RNF111: variants seen among roughly 807,000 people sequenced by gnomAD.
RNF111 encodes the protein E3 ubiquitin-protein ligase Arkadia.
Under a neutral mutation model 95.1 loss-of-function variants are expected in RNF111, and 17 were observed. That is an observed-to-expected ratio of 0.18 (90% CI 0.12 to 0.27). The LOEUF is 0.27. Among genes scored for constraint, RNF111 ranks in the 10% least tolerant of loss-of-function variants. The probability of loss-of-function intolerance (pLI) is 1.00; values close to 1 mark genes in which losing one functional copy is unlikely to be tolerated. For missense variants in RNF111, 1,189 were observed against 1,210.4 expected, an observed-to-expected ratio of 0.98 and a Z score of 0.26; for synonymous variants, 440 against 414.8, an observed-to-expected ratio of 1.06 and a Z score of -0.74.
At chr15:58,998,548 T>C (rs1175663270) in intron 1 of RNF111, among the ~76,000 whole-genome samples, 1 of 152,204 alleles carries the variant, frequency 6.6e-6, no homozygotes, top group Non-Finnish European at 1.5e-5. Flanking sequence ...AGTTATAAAA[T>C]GGATTAGCAA....
chr15:59,048,489 CTTT>C, intron 2 of RNF111, among the ~76,000 whole-genome samples: 1 of 152,154 alleles, frequency 6.6e-6, no homozygotes, highest in East Asian at 1.9e-4. Context: ...CTTGCGAGCT[CTTT>C]TGGGGTTATT....
intron 5 of RNF111, among the ~76,000 whole-genome samples, chr15:59,062,403 G>T (rs2042478606): frequency 6.6e-6 from 1 of 152,108 alleles, no homozygotes; most frequent in African/African-American, 2.4e-5. Context: ...TCTGCAGTCA[G>T]TTCAAACTCA....
At chr15:59,067,546 T>G (rs370702925) in intron 6 of RNF111, among the ~76,000 whole-genome samples, 23 of 152,322 alleles carry the variant, frequency 1.5e-4, no homozygotes, top group African/African-American at 5.3e-4. Context: ...CCTAATTTAG[T>G]GGTCTGTAGT....
At chr15:59,051,117 T>C (rs559534217) in intron 2 of RNF111, among the ~76,000 whole-genome samples, 43 of 152,280 alleles carry the variant, frequency 2.8e-4, no homozygotes, top group African/African-American at 1.0e-3. Context: ...AGGATGCACT[T>C]TCCAAGTTTA....
intron 6 of RNF111, among the ~76,000 whole-genome samples, chr15:59,068,466 T>G (rs2042764344): frequency 6.6e-6 from 1 of 150,846 alleles, no homozygotes; most frequent in Non-Finnish European, 1.5e-5. Flanking sequence ...ATTAGCTGGG[T>G]GTGATGGTGT....
At chr15:59,004,262 C>T (rs1383478287) in intron 1 of RNF111, 2 of 349,660 alleles carry the variant, frequency 5.7e-6, no homozygotes, top group South Asian at 9.9e-5. Context: ...TTTACTGATC[C>T]TTAGTTGTCT....
intron 2 of RNF111, among the ~76,000 whole-genome samples, chr15:59,034,868 T>C (rs2141809214): frequency 6.6e-6 from 1 of 152,346 alleles, no homozygotes; most frequent in African/African-American, 2.4e-5. Context: ...GAATGGATAT[T>C]AGTTACTCTG....
At chr15:59,075,481 C>A (rs1213810168) in intron 6 of RNF111, among the ~76,000 whole-genome samples, 2 of 152,098 alleles carry the variant, frequency 1.3e-5, no homozygotes, top group Middle Eastern at 3.2e-3. Context: ...TGAATTCTTG[C>A]TTTATACAGT....
rs181450801 is a variant in RNF111 at position 59,033,921 on chromosome 15, T to A, written c.880+2219T>A. On this transcript the variant is annotated intron_variant, in intron 2 of 13. Transcript: ENST00000348370. Reference sequence around the variant, plus strand: ...TGTTTTCTGGTTTCTGGACAAGTGATTTGCTTTAAACTGGTTTTAAAAAAA... The same window carrying A: ...TGTTTTCTGGTTTCTGGACAAGTGAATTGCTTTAAACTGGTTTTAAAAAAA... Among the ~76,000 whole-genome samples, 922 of 152,306 alleles carry A rather than the reference T, an allele frequency of 6.1e-3. 4 individuals carry two copies. Among genetic ancestry groups the A allele is most frequent in the Middle Eastern group, 0.01 (3 of 294 alleles).
At chr15:59,092,661 T>A (rs1159296941) in intron 13 of RNF111, 21 bp downstream of exon 13, 1 of 1,587,728 alleles carries the variant, frequency 6.3e-7, no homozygotes, top group East Asian at 2.3e-5. Flanking sequence ...ATTAATTATC[T>A]AAAATCCATT....
At chr15:59,072,132 A>C (rs1190262829) in intron 6 of RNF111, among the ~76,000 whole-genome samples, 4 of 152,294 alleles carry the variant, frequency 2.6e-5, no homozygotes, top group African/African-American at 9.6e-5. Flanking sequence ...GCAAATTGTA[A>C]ACTTTTTGCT....
chr15:59,073,438 A>G (rs2043028342), intron 6 of RNF111, among the ~76,000 whole-genome samples: 1 of 151,838 alleles, frequency 6.6e-6, no homozygotes. Flanking sequence ...CCAAGATTGC[A>G]CTACTGCACA....
intron 2 of RNF111, among the ~76,000 whole-genome samples, chr15:59,041,529 C>A (rs1454955792): frequency 6.6e-6 from 1 of 151,940 alleles, no homozygotes; most frequent in Non-Finnish European, 1.5e-5. Context: ...CCACTGCACT[C>A]CAGCCTGGGT....
At chr15:58,992,622 A>C (rs1354061369) in intron 1 of RNF111, among the ~76,000 whole-genome samples, 3 of 151,990 alleles carry the variant, frequency 2.0e-5, no homozygotes, top group Non-Finnish European at 2.9e-5. Context: ...GTTTGAGACT[A>C]GGCTGGGCAA....
chr15:59,082,113 C>G (rs2078762658), intron 8 of RNF111, among the ~76,000 whole-genome samples: 2 of 152,220 alleles, frequency 1.3e-5, no homozygotes, highest in Non-Finnish European at 2.9e-5. Context: ...ATACTAAATC[C>G]TCATTTCACT....
intron 5 of RNF111, among the ~76,000 whole-genome samples, chr15:59,061,410 C>G (rs972331713): frequency 1.3e-5 from 2 of 152,222 alleles, no homozygotes; most frequent in African/African-American, 2.4e-5. Flanking sequence ...GGTTTCGAAT[C>G]CTGGGCTTTC....
chr15:59,066,967 C>T lies in RNF111; in HGVS notation c.1570C>T (p.Pro524Ser). Residue 524 changes from proline (P) to serine (S), a missense_variant, in exon 6 of 14, where the codon CCA (proline) becomes TCA (serine). Around this residue, in one of 2 missense-constraint regions of RNF111, gnomAD observed 1,024 missense variants for 925.9 expected, o/e 1.11. Transcript: ENST00000348370. ...HHHHHHHTPH[P>S]AVPVSPSFSD... Reference sequence around the variant, plus strand: ...TCACCACCACCACCATACTCCCCACCCAGCTGTCCCAGTTTCTCCTTCCTT... The same window carrying T: ...TCACCACCACCACCATACTCCCCACTCAGCTGTCCCAGTTTCTCCTTCCTT... The T allele has an allele frequency of 6.2e-7, 1 of 1,614,170 alleles. No individual in the cohort carries two copies. The highest frequency in any genetic ancestry group is 8.5e-7 in the Non-Finnish European group (1 of 1,180,036).
At chr15:59,006,695 T>TA (rs1489475440) in intron 1 of RNF111, among the ~76,000 whole-genome samples, 104 of 152,072 alleles carry the variant, frequency 6.8e-4, no homozygotes, top group African/African-American at 2.3e-3. Flanking sequence ...GTTACAAAAA[T>TA]AAAAAAAATA....
At chr15:58,990,927 C>T (rs1358726909) in intron 1 of RNF111, among the ~76,000 whole-genome samples, 2 of 152,140 alleles carry the variant, frequency 1.3e-5, no homozygotes, top group Non-Finnish European at 2.9e-5. Flanking sequence ...TTCTTGGTAA[C>T]AGCTGGCCCA....
Sources: allele counts gnomAD v4.1 joint callset (sites outside exome capture counted in the v4.1 genomes callset), GRCh38; gene constraint gnomAD v4.1.1; regional missense constraint gnomAD v4.1.1; transcripts MANE v1.5; gene names NCBI Gene and HGNC (gene_info 2026-07-23, HGNC 2026-07-21).